The following PRIM2 variants were observed in gnomAD, a reference collection of about 807,000 sequenced individuals.
The protein encoded by PRIM2 is DNA primase large subunit.
PRIM2 carries 39 observed loss-of-function variants against 67.3 expected under a neutral mutation model. That is an observed-to-expected ratio of 0.58 (90% CI 0.45 to 0.76). PRIM2 has a LOEUF of 0.76. Ranked by LOEUF, PRIM2 falls within the 30% of genes least tolerant of loss-of-function variation. PRIM2 has a pLI of 0.00. For missense variants in PRIM2, 398 were observed against 598.7 expected, an observed-to-expected ratio of 0.66 and a Z score of 3.50; for synonymous variants, 143 against 198.7, an observed-to-expected ratio of 0.72 and a Z score of 2.36.
At chr6:57,431,872 A>G (rs1355317601) in intron 7 of PRIM2, among the ~76,000 whole-genome samples, 1 of 151,990 alleles carries the variant, frequency 6.6e-6, no homozygotes, top group African/African-American at 2.4e-5. Flanking sequence ...ATTCCTGTGT[A>G]TGTGTGTGTA....
At chr6:57,438,181 A>AT (rs111348031) in intron 7 of PRIM2, among the ~76,000 whole-genome samples, 2 of 152,338 alleles carry the variant, frequency 1.3e-5, no homozygotes, top group East Asian at 1.9e-4. Context: ...GTTCTTTTAG[A>AT]TTTTTTTAAA....
At chr6:57,269,134 T>A in the PRIM2 span, among the ~76,000 whole-genome samples, 44 of 152,170 alleles carry the variant, frequency 2.9e-4, no homozygotes, top group African/African-American at 1.0e-3. Context: ...TTTACAGTCC[T>A]TTGGGTATAT....
intron 7 of PRIM2, among the ~76,000 whole-genome samples, chr6:57,420,350 A>G (rs1316127724): frequency 3.9e-5 from 6 of 152,096 alleles, no homozygotes; most frequent in Non-Finnish European, 8.8e-5. Flanking sequence ...TAAAAATACA[A>G]AAATTAGCTG....
At chr6:57,385,599 A>G (rs1770117819) in intron 7 of PRIM2, among the ~76,000 whole-genome samples, 4 of 152,212 alleles carry the variant, frequency 2.6e-5, no homozygotes. Context: ...TTTCTCAATC[A>G]CATTCCACAG....
intron 5 of PRIM2, among the ~76,000 whole-genome samples, chr6:57,364,689 G>A (rs9475878): frequency 0.058 from 8,803 of 151,812 alleles, 476 homozygotes; most frequent in African/African-American, 0.14. Context: ...AGAGTCTTCC[G>A]CTTGGCAGGC....
intron 13 of PRIM2, among the ~76,000 whole-genome samples, chr6:57,638,138 T>G (rs1386769554): frequency 6.6e-6 from 1 of 152,190 alleles, no homozygotes; most frequent in Non-Finnish European, 1.5e-5. Flanking sequence ...GAATTTCATA[T>G]GCAGCCAAAC....
chr6:57,501,158 AGCTAT>A, intron 7 of PRIM2, among the ~76,000 whole-genome samples: 1 of 152,210 alleles, frequency 6.6e-6, no homozygotes, highest in Non-Finnish European at 1.5e-5. Context: ...GTTTATTTTT[AGCTAT>A]ATTAAGCAAA....
At chr6:57,611,994 T>C (rs1484323794) in intron 12 of PRIM2, among the ~76,000 whole-genome samples, 1 of 151,914 alleles carries the variant, frequency 6.6e-6, no homozygotes, top group African/African-American at 2.4e-5. Flanking sequence ...CATGAAAAAA[T>C]ATAGCTCATT....
chr6:57,254,120 G>A, the PRIM2 span, among the ~76,000 whole-genome samples: 2 of 152,094 alleles, frequency 1.3e-5, no homozygotes, highest in African/African-American at 4.8e-5. Context: ...GTGGGTTTGG[G>A]GTAGAGCCTA....
intron 12 of PRIM2, among the ~76,000 whole-genome samples, chr6:57,616,892 C>G (rs1337257432): frequency 1.3e-5 from 2 of 152,212 alleles, no homozygotes; most frequent in Admixed American, 6.5e-5. Context: ...GCATCATATA[C>G]TGTCTGGCTT....
intron 5 of PRIM2, among the ~76,000 whole-genome samples, chr6:57,338,656 G>T (rs575532968): frequency 2.0e-5 from 3 of 146,746 alleles, no homozygotes; most frequent in Admixed American, 6.8e-5. Flanking sequence ...ATTCAACAAC[G>T]CTTCATGCTA....
chr6:57,320,435 A>G (rs761063762), intron 2 of PRIM2, 22 bp from the exon 3 acceptor site: 20 of 1,493,888 alleles, frequency 1.3e-5, no homozygotes, highest in Non-Finnish European at 1.7e-5. Flanking sequence ...TCTTGCATTT[A>G]TACCTTTTTT....
chr6:57,425,168 ATTTCT>A (rs1184069072), intron 7 of PRIM2, among the ~76,000 whole-genome samples: 6 of 151,956 alleles, frequency 3.9e-5, no homozygotes, highest in Non-Finnish European at 7.4e-5. Context: ...TTATATTTTC[ATTTCT>A]TTTCCTTTTT....
chr6:57,499,783 C>G (rs1554346679), intron 7 of PRIM2, among the ~76,000 whole-genome samples: 1 of 152,188 alleles, frequency 6.6e-6, no homozygotes, highest in Admixed American at 6.5e-5. Context: ...TTCTTCTCTA[C>G]AGAATGAACC....
intron 7 of PRIM2, among the ~76,000 whole-genome samples, chr6:57,466,695 T>G (rs1218916052): frequency 6.6e-6 from 1 of 152,250 alleles, no homozygotes; most frequent in Non-Finnish European, 1.5e-5. Flanking sequence ...TTGTTTAAGT[T>G]CTTTGTAGAT....
At position 57,342,609 on chromosome 6, in the gene PRIM2, T is replaced by A. The variant is rs567788449; in HGVS notation, c.459+16564T>A. Among the ~76,000 whole-genome samples the A allele has an allele frequency of 6.6e-5, 10 of 152,316 alleles. No homozygotes were observed. In the East Asian group the frequency reaches 1.9e-3, roughly 29 times the overall value. On this transcript the variant is annotated intron_variant, in intron 5 of 13. Coordinates refer to ENST00000615550, the MANE Select transcript of PRIM2 (RefSeq NM_000947.5). ...TTATTGGCTTTGCAATACCAGTGGGTCTAATGGTAGGATGCTTTTCATTAG... is the reference window on the plus strand; with the variant it reads ...TTATTGGCTTTGCAATACCAGTGGGACTAATGGTAGGATGCTTTTCATTAG...
chr6:57,233,324 T>C, the PRIM2 span, among the ~76,000 whole-genome samples: 9 of 152,204 alleles, frequency 5.9e-5, no homozygotes, highest in Non-Finnish European at 1.2e-4. Flanking sequence ...AGTGCTGTAA[T>C]TTGTCAAGCA....
chr6:57,402,626 T>G (rs1770751333), intron 7 of PRIM2, among the ~76,000 whole-genome samples: 1 of 152,198 alleles, frequency 6.6e-6, no homozygotes. Flanking sequence ...TAACTATGTT[T>G]GGGGAATGGT....
chr6:57,645,321 T>TCTCA (rs1554359835), intron 13 of PRIM2, among the ~76,000 whole-genome samples: 11 of 132,856 alleles, frequency 8.3e-5, no homozygotes, highest in African/African-American at 1.7e-4. Context: ...ACAATGTCAT[T>TCTCA]CACACACACA....
Sources: allele counts gnomAD v4.1 joint callset (sites outside exome capture counted in the v4.1 genomes callset), GRCh38; gene constraint gnomAD v4.1.1; transcripts MANE v1.5; gene names NCBI Gene and HGNC (gene_info 2026-07-23, HGNC 2026-07-21).